The following ST6GAL1 variants were observed in gnomAD, a reference collection of about 807,000 sequenced individuals.
ST6GAL1 encodes the protein ST6 beta-galactoside alpha-2,6-sialyltransferase 1, also known as beta-galactoside alpha-2,6-sialyltransferase 1.
In ST6GAL1, 20 loss-of-function variants were observed where a neutral mutation model predicts 38.0. That is an observed-to-expected ratio of 0.53 (90% CI 0.37 to 0.77). The LOEUF (loss-of-function observed/expected upper bound fraction) is 0.77, where lower values mean the gene tolerates loss of function less well. Among genes scored for constraint, ST6GAL1 ranks in the 30% least tolerant of loss-of-function variants. ST6GAL1 has a pLI of 0.00. For synonymous variants in ST6GAL1, 196 were observed against 188.2 expected (o/e 1.04, Z -0.34); for missense variants, 432 against 496.4 (o/e 0.87, Z 1.23).
intron 2 of ST6GAL1, among the ~76,000 whole-genome samples, chr3:186,973,832 CA>C (rs1366424633): frequency 6.6e-6 from 1 of 152,218 alleles, no homozygotes; most frequent in Non-Finnish European, 1.5e-5. Context: ...AGTGTCCATT[CA>C]CTCATTCAGC....
Position 187,075,782 on chromosome 3 carries a change from C to T in ST6GAL1, c.1200C>T (p.Gly400=). The T allele has an allele frequency of 6.2e-7, 1 of 1,614,214 alleles. No individual in the cohort carries two copies. The highest frequency in any genetic ancestry group is 8.5e-7 in the Non-Finnish European group (1 of 1,180,034). Residue 400 remains glycine (G), a synonymous_variant, in exon 8 of 8, where the codon GGC becomes GGT. Transcript: ENST00000169298. This position sits in a 1 kb window ranked among gnomAD's most constrained non-coding sequence, Gnocchi z 4.1. ...TGCTTGGAAAAGCCACACTGCCTGG[C>T]TTCCGGACCATTCACTGCTAAGCAC... ...IYLLGKATLP[G]FRTIHC is the part of the protein sequence containing the mutation.
chr3:186,973,282 C>A (rs561410403), intron 2 of ST6GAL1, among the ~76,000 whole-genome samples: 1 of 152,128 alleles, frequency 6.6e-6, no homozygotes, highest in Non-Finnish European at 1.5e-5. Flanking sequence ...GTGATCTGCC[C>A]GTCTTGGCCT....
chr3:186,939,105 G>C (rs181077027), intron 1 of ST6GAL1, among the ~76,000 whole-genome samples: 1 of 146,860 alleles, frequency 6.8e-6, no homozygotes, highest in Non-Finnish European at 1.5e-5. Flanking sequence ...ACAGGGTCTC[G>C]CACTGTCACC....
chr3:187,037,414 C>A (rs1232134741), intron 2 of ST6GAL1, among the ~76,000 whole-genome samples: 4 of 152,012 alleles, frequency 2.6e-5, no homozygotes, highest in African/African-American at 9.7e-5. Context: ...ATTATATTAA[C>A]CCTTTTTATA....
chr3:187,013,299 C>T (rs1043181352), intron 2 of ST6GAL1, among the ~76,000 whole-genome samples: 7 of 152,186 alleles, frequency 4.6e-5, no homozygotes, highest in African/African-American at 1.7e-4. Flanking sequence ...ATTACTTCCC[C>T]TGTGCTTTCC....
intron 1 of ST6GAL1, among the ~76,000 whole-genome samples, chr3:186,945,394 A>G (rs974207537): frequency 6.6e-6 from 1 of 152,198 alleles, no homozygotes; most frequent in African/African-American, 2.4e-5. Context: ...TTACTTTGCA[A>G]GTATGTCAGG....
In ST6GAL1 at chr3:186,947,544, C is replaced by T. The variant is rs147419241; in HGVS notation, c.-324-16241C>T. ...TAAGTAAGTCTATTTTATACATTTA[C>T]GTTTATGTTTAGATTGGTATTTATT... On this transcript the variant is annotated intron_variant, in intron 1 of 7. Coordinates refer to ENST00000169298, the MANE Select transcript of ST6GAL1 (RefSeq NM_173216.2). 4.1e-4 allele frequency among the ~76,000 whole-genome samples: 63 copies of T among 151,980 alleles called. No homozygotes were observed. In the East Asian group the frequency reaches 8.3e-3, roughly 20 times the overall value.
chr3:187,056,727 C>T (rs1209277672), intron 5 of ST6GAL1, among the ~76,000 whole-genome samples: 1 of 152,058 alleles, frequency 6.6e-6, no homozygotes, highest in African/African-American at 2.4e-5. Flanking sequence ...CTCTGGCTGC[C>T]CTTAATATTT....
intron 2 of ST6GAL1, among the ~76,000 whole-genome samples, chr3:186,992,573 C>A (rs1351178546): frequency 6.6e-6 from 1 of 152,188 alleles, no homozygotes; most frequent in African/African-American, 2.4e-5. Context: ...GCGGGTGGAT[C>A]ATCTGAGGTC....
At chr3:186,988,287 G>A (rs947709228) in intron 2 of ST6GAL1, among the ~76,000 whole-genome samples, 2 of 152,070 alleles carry the variant, frequency 1.3e-5, no homozygotes, top group South Asian at 2.1e-4. Flanking sequence ...TGTCTCTAAC[G>A]GGTGCTAATT....
intron 2 of ST6GAL1, among the ~76,000 whole-genome samples, chr3:187,026,750 T>C (rs775945156): frequency 1.5e-4 from 23 of 151,902 alleles, no homozygotes; most frequent in Non-Finnish European, 3.1e-4. Context: ...TTACGTAAAA[T>C]ACAATAAAAA....
chr3:187,058,887 C>T (rs1050703425), intron 5 of ST6GAL1, among the ~76,000 whole-genome samples: 1 of 152,116 alleles, frequency 6.6e-6, no homozygotes, highest in Admixed American at 6.6e-5. Context: ...AGTAACCACC[C>T]ACCTTGGCCT....
intron 2 of ST6GAL1, among the ~76,000 whole-genome samples, chr3:186,980,603 C>CAAAAAA (rs34503745): frequency 1.1e-5 from 1 of 92,170 alleles, no homozygotes; most frequent in Non-Finnish European, 2.1e-5. Context: ...ACTAAAATTA[C>CAAAAAA]AAAAAAAAAA....
chr3:186,991,524 G>T (rs907834959), intron 2 of ST6GAL1, among the ~76,000 whole-genome samples: 1 of 152,122 alleles, frequency 6.6e-6, no homozygotes, highest in East Asian at 1.9e-4. Flanking sequence ...AGACTTGCTG[G>T]TTCTTTCCAC....
chr3:186,941,912 G>T (rs545440905), intron 1 of ST6GAL1, among the ~76,000 whole-genome samples: 13 of 152,008 alleles, frequency 8.6e-5, no homozygotes, highest in African/African-American at 2.9e-4. Flanking sequence ...CTCGGGAGGC[G>T]GAGGCAGGAC....
At position 187,075,461 on chromosome 3, in the gene ST6GAL1, C is replaced by A; in HGVS notation, c.980-101C>A. The A allele has an allele frequency of 6.6e-7, 1 of 1,515,338 alleles. No individual in the cohort carries two copies. Among genetic ancestry groups the A allele is most frequent in the Non-Finnish European group, 8.9e-7 (1 of 1,123,406 alleles). 93.9% of individuals were successfully genotyped at this position (1,515,338 alleles called of 1,614,324 possible). A position where few individuals can be genotyped will look rare whatever the true frequency, so the allele number is the denominator to read the frequency against. ...ATAAATAGAAACTCCAGAGGGAAAG[C>A]TCTCCAAATTTGGGGTCATGAGCTG... is the stretch of plus-strand genomic sequence containing the variant. On this transcript the variant is annotated intron_variant, in intron 7 of 7. Coordinates refer to ENST00000169298, the MANE Select transcript of ST6GAL1 (RefSeq NM_173216.2). The surrounding 1 kb of genome is among the most constrained non-coding windows in gnomAD (Gnocchi z 4.1).
At chr3:186,932,142 C>CCG (rs1713779685) in intron 1 of ST6GAL1, among the ~76,000 whole-genome samples, 1 of 151,782 alleles carries the variant, frequency 6.6e-6, no homozygotes, top group African/African-American at 2.4e-5. Context: ...AACCTGTCCC[C>CCG]GGGGGGGGAA....
chr3:187,049,587 C>T (rs1350647276), intron 4 of ST6GAL1, among the ~76,000 whole-genome samples: 1 of 152,220 alleles, frequency 6.6e-6, no homozygotes, highest in African/African-American at 2.4e-5. Flanking sequence ...GCTCATCAGG[C>T]CACAGTAGAC....
intron 2 of ST6GAL1, among the ~76,000 whole-genome samples, chr3:187,012,304 C>G (rs2108559416): frequency 6.6e-6 from 1 of 151,964 alleles, no homozygotes; most frequent in Admixed American, 6.5e-5. Context: ...GTCTCCCAGG[C>G]TGGAGTGCAG....
Sources: gnomAD v4.1 joint callset for allele counts (sites outside exome capture counted in the v4.1 genomes callset) on GRCh38, gnomAD v4.1.1 for gene constraint, Gnocchi (gnomAD v3.1) non-coding constraint, MANE v1.5 for transcripts, NCBI Gene and HGNC (gene_info 2026-07-23, HGNC 2026-07-21) for gene names.